The following SUPT3H variants were observed in gnomAD, a reference collection of about 807,000 sequenced individuals.
The protein encoded by SUPT3H is transcription initiation protein SPT3 homolog.
SUPT3H carries 44 observed loss-of-function variants against 44.3 expected under a neutral mutation model. The observed-to-expected ratio is 0.99, with a 90% CI of 0.78 to 1.28. The LOEUF is 1.28. Ranked by LOEUF, SUPT3H falls within the 50% of genes most tolerant of loss-of-function variation. SUPT3H has a pLI of 0.00. For synonymous variants in SUPT3H, 124 were observed against 125.6 expected, an observed-to-expected ratio of 0.99 and a Z score of 0.09; for missense variants, 380 against 387.1, an observed-to-expected ratio of 0.98 and a Z score of 0.15.
intron 10 of SUPT3H, among the ~76,000 whole-genome samples, chr6:44,860,943 A>G (rs575348265): frequency 6.6e-6 from 1 of 152,212 alleles, no homozygotes; most frequent in Non-Finnish European, 1.5e-5. Flanking sequence ...TTAAACAGTA[A>G]AAGTTTTCTT....
intron 10 of SUPT3H, among the ~76,000 whole-genome samples, chr6:44,888,652 C>G (rs1189460708): frequency 6.6e-6 from 1 of 152,012 alleles, no homozygotes; most frequent in Non-Finnish European, 1.5e-5. Flanking sequence ...AACCCACAGC[C>G]AATATCATAC....
chr6:45,023,686 C>T (rs1785503884), intron 3 of SUPT3H, among the ~76,000 whole-genome samples: 1 of 151,928 alleles, frequency 6.6e-6, no homozygotes, highest in African/African-American at 2.4e-5. Flanking sequence ...TGCATGTTCT[C>T]ACTTATAAGT....
intron 2 of SUPT3H, among the ~76,000 whole-genome samples, chr6:45,110,226 C>A (rs941127506): frequency 1.3e-5 from 2 of 152,136 alleles, no homozygotes; most frequent in Non-Finnish European, 2.9e-5. Flanking sequence ...CTCACTTCAA[C>A]CTAGGGCAAC....
At chr6:45,360,711 C>A (rs969006485) in intron 2 of SUPT3H, among the ~76,000 whole-genome samples, 3 of 152,114 alleles carry the variant, frequency 2.0e-5, no homozygotes, top group African/African-American at 7.2e-5. Flanking sequence ...GGAGAAGAAG[C>A]AAATCTTACT....
Position 44,891,777 on chromosome 6 carries a change from T to TA in SUPT3H, c.912+40875dup, listed in dbSNP as rs1375874043. On this transcript the variant is annotated intron_variant, in intron 10 of 10. Coordinates refer to ENST00000371459, the MANE Select transcript of SUPT3H (RefSeq NM_003599.4). ...ATTTTTTATTATGTATATTTTACAA[T>TA]AAAAAATAAAAGATTCATTCCAGGA... 6.1e-4 allele frequency among the ~76,000 whole-genome samples: 91 copies of TA among 149,198 alleles called. 1 individual carries two copies. The highest frequency in any genetic ancestry group is 3.9e-4 in the East Asian group (2 of 5,090).
intron 2 of SUPT3H, among the ~76,000 whole-genome samples, chr6:45,154,789 T>C (rs1043283203): frequency 2.0e-5 from 3 of 152,184 alleles, no homozygotes; most frequent in Non-Finnish European, 2.9e-5. Flanking sequence ...TGGGTAATCA[T>C]TCTCTTGCAA....
intron 10 of SUPT3H, among the ~76,000 whole-genome samples, chr6:44,835,791 C>T (rs543158938): frequency 1.2e-4 from 18 of 152,202 alleles, no homozygotes; most frequent in Non-Finnish European, 2.5e-4. Flanking sequence ...GTGCTTCTAA[C>T]AGGCCTTTTT....
chr6:44,856,846 G>T (rs917987751), intron 10 of SUPT3H, among the ~76,000 whole-genome samples: 2 of 152,174 alleles, frequency 1.3e-5, no homozygotes, highest in Non-Finnish European at 2.9e-5. Context: ...CTAATGATGT[G>T]CTATGCTAAT....
chr6:45,168,333 T>C (rs928219586), intron 2 of SUPT3H, among the ~76,000 whole-genome samples: 1 of 152,144 alleles, frequency 6.6e-6, no homozygotes, highest in African/African-American at 2.4e-5. Flanking sequence ...TTCTCGAATT[T>C]TGGAATATTT....
chr6:45,341,103 G>A (rs969710901), intron 2 of SUPT3H, among the ~76,000 whole-genome samples: 1 of 152,112 alleles, frequency 6.6e-6, no homozygotes, highest in African/African-American at 2.4e-5. Flanking sequence ...ATTCTAAGAA[G>A]TAAATCCTTG....
intron 2 of SUPT3H, among the ~76,000 whole-genome samples, chr6:45,339,298 G>GT (rs1789277054): frequency 1.3e-5 from 2 of 152,166 alleles, no homozygotes; most frequent in Non-Finnish European, 2.9e-5. Context: ...AGAGCAGCTT[G>GT]TGGAGAGAAA....
intron 2 of SUPT3H, among the ~76,000 whole-genome samples, chr6:45,224,333 C>G (rs1766548923): frequency 6.6e-6 from 1 of 152,062 alleles, no homozygotes; most frequent in South Asian, 2.1e-4. Context: ...ATGGTTTGAG[C>G]AGAACAAACT....
chr6:44,869,591 TCTAC>T lies in SUPT3H; in HGVS notation c.913-39738_913-39735del, dbSNP rs577468659. Reference sequence around the variant, plus strand: ...TAAATGCAAAAAAACCTAAACCAATTCTACCTACCTACCTAAATGCAAAGAAATA... The same window carrying T: ...TAAATGCAAAAAAACCTAAACCAATTCTACCTACCTAAATGCAAAGAAATA... On this transcript the variant is annotated intron_variant, in intron 10 of 10. Coordinates refer to ENST00000371459, the MANE Select transcript of SUPT3H (RefSeq NM_003599.4). Among the ~76,000 whole-genome samples, 15 of 152,258 alleles carry T rather than the reference TCTAC, an allele frequency of 9.9e-5. No homozygotes were observed. In the East Asian group the frequency reaches 2.9e-3, roughly 29 times the overall value.
intron 3 of SUPT3H, among the ~76,000 whole-genome samples, chr6:45,054,787 C>T (rs1305657466): frequency 2.0e-5 from 3 of 152,088 alleles, no homozygotes; most frequent in African/African-American, 2.4e-5. Context: ...ATCCTGTACA[C>T]CCTGAGCAGA....
At chr6:45,324,769 G>T (rs1035393280) in intron 2 of SUPT3H, among the ~76,000 whole-genome samples, 2 of 151,938 alleles carry the variant, frequency 1.3e-5, no homozygotes, top group Non-Finnish European at 2.9e-5. Flanking sequence ...GTGCTAGTTT[G>T]GGTTTTTACC....
intron 2 of SUPT3H, among the ~76,000 whole-genome samples, chr6:45,264,680 A>T (rs1360517243): frequency 6.6e-5 from 10 of 152,166 alleles, no homozygotes; most frequent in Non-Finnish European, 1.2e-4. Flanking sequence ...TAAATAAAAC[A>T]TCACTTACTT....
At chr6:45,252,391 T>G (rs963929945) in intron 2 of SUPT3H, among the ~76,000 whole-genome samples, 8 of 152,180 alleles carry the variant, frequency 5.3e-5, no homozygotes, top group African/African-American at 1.9e-4. Flanking sequence ...CCAATATTAT[T>G]TCTATTAATG....
At chr6:45,301,108 G>C (rs1352535372) in intron 2 of SUPT3H, among the ~76,000 whole-genome samples, 1 of 152,150 alleles carries the variant, frequency 6.6e-6, no homozygotes, top group African/African-American at 2.4e-5. Context: ...GGGCAGGCAG[G>C]TCCTGGCAAT....
chr6:44,865,177 A>T (rs1032782895), intron 10 of SUPT3H, among the ~76,000 whole-genome samples: 8 of 152,108 alleles, frequency 5.3e-5, no homozygotes, highest in African/African-American at 2.4e-5. Context: ...CCTCATCTCC[A>T]TCTGAGACCA....
Sources: gnomAD v4.1 joint callset for allele counts (sites outside exome capture counted in the v4.1 genomes callset) on GRCh38, gnomAD v4.1.1 for gene constraint, MANE v1.5 for transcripts, NCBI Gene and HGNC (gene_info 2026-07-23, HGNC 2026-07-21) for gene names.